GSTCD: variants seen among roughly 807,000 people sequenced by gnomAD.
GSTCD encodes glutathione S-transferase C-terminal domain-containing protein.
Under a neutral mutation model 68.3 loss-of-function variants are expected in GSTCD, and 44 were observed. The observed-to-expected ratio is 0.64, with a 90% CI of 0.51 to 0.83. GSTCD has a LOEUF of 0.83. Ranked by LOEUF, GSTCD falls within the 40% of genes least tolerant of loss-of-function variation. GSTCD has a pLI of 0.00. For synonymous variants in GSTCD, 273 were observed against 255.2 expected (o/e 1.07, Z -0.67); for missense variants, 739 against 735.9 (o/e 1.00, Z -0.05).
chr4:105,743,588 G>A (rs993315585), intron 5 of GSTCD, among the ~76,000 whole-genome samples: 3 of 147,554 alleles, frequency 2.0e-5, no homozygotes, highest in Non-Finnish European at 4.5e-5. Flanking sequence ...CTGTTTGGGA[G>A]TAAGTTGCAG....
chr4:105,813,837 T>C (rs1284545814), intron 5 of GSTCD, among the ~76,000 whole-genome samples: 1 of 152,166 alleles, frequency 6.6e-6, no homozygotes, highest in Admixed American at 6.5e-5. Context: ...ATATAAAATA[T>C]TCACCTAGTC....
At chr4:105,792,304 C>T (rs1735708783) in intron 5 of GSTCD, among the ~76,000 whole-genome samples, 1 of 152,002 alleles carries the variant, frequency 6.6e-6, no homozygotes, top group African/African-American at 2.4e-5. Context: ...TAAACTATCC[C>T]ACAGTACCCT....
At chr4:105,845,212 A>G (rs1328541742) in intron 11 of GSTCD, among the ~76,000 whole-genome samples, 1 of 152,342 alleles carries the variant, frequency 6.6e-6, no homozygotes, top group Non-Finnish European at 1.5e-5. Context: ...AAAGGTTAAC[A>G]TTCTTTAAAT....
intron 10 of GSTCD, among the ~76,000 whole-genome samples, chr4:105,838,712 A>T (rs1019921391): frequency 3.9e-5 from 6 of 152,230 alleles, no homozygotes; most frequent in Admixed American, 2.6e-4. Flanking sequence ...TCTGATCAAA[A>T]CAGTTTCTAG....
chr4:105,793,579 T>A (rs1215866960), intron 5 of GSTCD, among the ~76,000 whole-genome samples: 1 of 151,970 alleles, frequency 6.6e-6, no homozygotes, highest in Non-Finnish European at 1.5e-5. Flanking sequence ...GCCTTACAAG[T>A]TTTATTTCAT....
At chr4:105,734,182 G>A (rs1453069628) in intron 5 of GSTCD, among the ~76,000 whole-genome samples, 1 of 152,010 alleles carries the variant, frequency 6.6e-6, no homozygotes, top group Non-Finnish European at 1.5e-5. Flanking sequence ...TGCTCTTCTC[G>A]AGGAACATCT....
intron 2 of GSTCD, 87 bp downstream of exon 2, chr4:105,718,126 G>T: frequency 9.5e-7 from 1 of 1,047,770 alleles, no homozygotes; most frequent in Non-Finnish European, 1.4e-6. Context: ...CTTCCTATTA[G>T]GAATAAAAGT....
chr4:105,770,987 A>G (rs1734822721), intron 5 of GSTCD, among the ~76,000 whole-genome samples: 1 of 152,200 alleles, frequency 6.6e-6, no homozygotes, highest in Non-Finnish European at 1.5e-5. Flanking sequence ...TACTCCCATC[A>G]ATAGTGTAAA....
At chr4:105,768,039 T>A (rs908791296) in intron 5 of GSTCD, among the ~76,000 whole-genome samples, 73 of 140,974 alleles carry the variant, frequency 5.2e-4, no homozygotes, top group South Asian at 2.9e-3. Flanking sequence ...AAAAAAAAAA[T>A]TTTTTTTTTT....
chr4:105,784,688 C>T (rs1735398954), intron 5 of GSTCD, among the ~76,000 whole-genome samples: 1 of 152,118 alleles, frequency 6.6e-6, no homozygotes, highest in Non-Finnish European at 1.5e-5. Context: ...AAAAGCTTTC[C>T]TTTCTCTTCC....
intron 5 of GSTCD, among the ~76,000 whole-genome samples, chr4:105,758,249 C>T (rs1734267581): frequency 6.6e-6 from 1 of 152,166 alleles, no homozygotes; most frequent in South Asian, 2.1e-4. Flanking sequence ...ACATCCTACA[C>T]ATAGCTTTTT....
At chr4:105,720,748 T>C (rs934016280) in intron 3 of GSTCD, among the ~76,000 whole-genome samples, 1 of 152,180 alleles carries the variant, frequency 6.6e-6, no homozygotes, top group African/African-American at 2.4e-5. Context: ...ATGATCCCTC[T>C]CTTCTATTAC....
At position 105,730,343 on chromosome 4, in the gene GSTCD, G is replaced by C. The variant is rs549777191; in HGVS notation, c.1240+844G>C. On this transcript the variant is annotated intron_variant, in intron 5 of 11. Coordinates refer to ENST00000515279, the MANE Select transcript of GSTCD (RefSeq NM_001370181.1). Reference sequence around the variant, plus strand: ...ACTGTCTTCCACAATGGTTAAACTAGTTTACAGTCCCACCAACAGTGTAAA... The same window carrying C: ...ACTGTCTTCCACAATGGTTAAACTACTTTACAGTCCCACCAACAGTGTAAA... Among the ~76,000 whole-genome samples, 3 of 152,272 alleles carry C rather than the reference G, an allele frequency of 2.0e-5. No homozygotes were observed. The East Asian group carries it at 5.8e-4, about 29-fold the overall frequency.
rs150826218 is a variant in GSTCD at position 105,836,237 on chromosome 4, G to A, written c.1665-1622G>A. Reference sequence around the variant, plus strand: ...GATACAGAGTGGGTAGCTTCTCTCCGCAGGCAGGTCATCCATTGTCTGCCT... The same window carrying A: ...GATACAGAGTGGGTAGCTTCTCTCCACAGGCAGGTCATCCATTGTCTGCCT... On this transcript the variant is annotated intron_variant, in intron 9 of 11. Transcript: ENST00000515279. Among the ~76,000 whole-genome samples the A allele has an allele frequency of 2.5e-3, 375 of 152,190 alleles. 2 individuals are homozygous for A. The highest frequency in any genetic ancestry group is 8.6e-3 in the African/African-American group (359 of 41,528).
chr4:105,818,151 A>G (rs941787510), intron 5 of GSTCD, among the ~76,000 whole-genome samples: 1 of 151,866 alleles, frequency 6.6e-6, no homozygotes, highest in Non-Finnish European at 1.5e-5. Context: ...AGTTATTTTA[A>G]TGAATTATAC....
chr4:105,807,855 T>C (rs920203479), intron 5 of GSTCD, among the ~76,000 whole-genome samples: 1 of 152,146 alleles, frequency 6.6e-6, no homozygotes, highest in African/African-American at 2.4e-5. Flanking sequence ...TTTGAAACCA[T>C]CGTGTTCTCC....
intron 3 of GSTCD, among the ~76,000 whole-genome samples, chr4:105,722,099 T>C (rs1732874416): frequency 6.6e-6 from 1 of 152,148 alleles, no homozygotes; most frequent in African/African-American, 2.4e-5. Context: ...TTTTATAAAA[T>C]CTTGTAATTT....
Position 105,822,979 on chromosome 4 carries a change from G to T in GSTCD, c.1266G>T (p.Leu422Phe). 1 of 1,613,466 alleles carries T rather than the reference G, an allele frequency of 6.2e-7. No individual in the cohort carries two copies. Among genetic ancestry groups the T allele is most frequent in the Non-Finnish European group, 8.5e-7 (1 of 1,179,616 alleles). ...GTAAAATGTCCAGTGATCGAGCTTT[G>T]AGGAAGCAGCAACAGTTGAACAACC... ...KEGKMSSDRALRKQQQLNNLV... is the reference protein window; with the variant it reads ...KEGKMSSDRAFRKQQQLNNLV... Residue 422 changes from leucine (L) to phenylalanine (F), a missense_variant, in exon 6 of 12, where the codon TTG (leucine) becomes TTT (phenylalanine). Leu to Phe is a conservative substitution (Grantham distance 22, BLOSUM62 0). Coordinates refer to ENST00000515279, the MANE Select transcript of GSTCD (RefSeq NM_001370181.1).
At chr4:105,825,334 T>G (rs1393504719) in intron 7 of GSTCD, among the ~76,000 whole-genome samples, 2 of 152,338 alleles carry the variant, frequency 1.3e-5, no homozygotes, top group East Asian at 3.9e-4. Flanking sequence ...TTCACCATAT[T>G]GGCCAGGCTA....
Sources: allele counts gnomAD v4.1 joint callset (sites outside exome capture counted in the v4.1 genomes callset), GRCh38; gene constraint gnomAD v4.1.1; transcripts MANE v1.5; gene names NCBI Gene and HGNC (gene_info 2026-07-23, HGNC 2026-07-21).